Variants in CADM2 observed in about 807,000 individuals in gnomAD.
CADM2 encodes the protein cell adhesion molecule 2, also known as immunoglobulin superfamily member 4D.
Under a neutral mutation model 49.8 loss-of-function variants are expected in CADM2, and 12 were observed. That is an observed-to-expected ratio of 0.24 (90% confidence interval 0.15 to 0.39). The LOEUF (loss-of-function observed/expected upper bound fraction) is 0.39. Ranked by LOEUF, CADM2 falls within the 10% of genes least tolerant of loss-of-function variation. The pLI is 1.00. For missense variants in CADM2, 378 were observed against 492.3 expected (o/e 0.77, Z 2.20); for synonymous variants, 214 against 175.4 (o/e 1.22, Z -1.74).
rs768052936 is a variant in CADM2 at position 85,078,362 on chromosome 3, T to C, written c.61+118694T>C. Among the ~76,000 whole-genome samples the C allele has an allele frequency of 1.4e-4, 22 of 151,954 alleles. 1 individual carries two copies. The highest frequency in any genetic ancestry group is 2.5e-4 in the Non-Finnish European group (17 of 67,852). On this transcript the variant is annotated intron_variant, in intron 1 of 9. Coordinates refer to ENST00000383699, the MANE Select transcript of CADM2 (RefSeq NM_001167675.2). The stretch of plus-strand genomic sequence containing the variant: ...ATAAATAAACTGTTCCTGCTACAGA[T>C]AGAAGGTTGTGATTTTGATTTAGGA...
intron 1 of CADM2, among the ~76,000 whole-genome samples, chr3:85,591,985 C>T (rs2063121460): frequency 6.6e-6 from 1 of 151,836 alleles, no homozygotes; most frequent in African/African-American, 2.4e-5. Context: ...AATCAGGTAA[C>T]TTCCTGGATT....
At chr3:85,606,821 A>G (rs2063552097) in intron 1 of CADM2, among the ~76,000 whole-genome samples, 2 of 152,120 alleles carry the variant, frequency 1.3e-5, no homozygotes, top group Admixed American at 1.3e-4. Flanking sequence ...GTATCTTTGA[A>G]AAATACTGTC....
chr3:85,906,466 A>C (rs993023330), intron 5 of CADM2, among the ~76,000 whole-genome samples: 1 of 152,170 alleles, frequency 6.6e-6, no homozygotes, highest in African/African-American at 2.4e-5. Context: ...TCTATTAAGA[A>C]GAGCTGAATT....
At chr3:85,631,500 C>G (rs2064303713) in intron 1 of CADM2, among the ~76,000 whole-genome samples, 1 of 151,976 alleles carries the variant, frequency 6.6e-6, no homozygotes, top group Non-Finnish European at 1.5e-5. Context: ...GTAGGGACAT[C>G]TATAGTTGAG....
At chr3:85,943,259 CA>C (rs1271714489) in intron 7 of CADM2, among the ~76,000 whole-genome samples, 3 of 136,200 alleles carry the variant, frequency 2.2e-5, no homozygotes, top group African/African-American at 9.2e-5. Flanking sequence ...GAGTAGGTTG[CA>C]AAAATTTTCT....
At chr3:85,543,210 A>G (rs1486930158) in intron 1 of CADM2, among the ~76,000 whole-genome samples, 1 of 151,734 alleles carries the variant, frequency 6.6e-6, no homozygotes, top group Non-Finnish European at 1.5e-5. Context: ...CTACACCCAT[A>G]TCTAAAGTTC....
intron 1 of CADM2, among the ~76,000 whole-genome samples, chr3:85,425,409 A>G (rs952288524): frequency 1.3e-5 from 2 of 152,204 alleles, no homozygotes; most frequent in South Asian, 2.1e-4. Flanking sequence ...TGGGCTACAC[A>G]GTGTTATTTC....
chr3:85,600,658 T>G (rs2107390955), intron 1 of CADM2, among the ~76,000 whole-genome samples: 1 of 151,912 alleles, frequency 6.6e-6, no homozygotes, highest in Middle Eastern at 3.4e-3. Context: ...AGTTGTTTTT[T>G]TTTTAAATAC....
intron 1 of CADM2, among the ~76,000 whole-genome samples, chr3:84,995,792 CTTG>C (rs2033152272): frequency 6.6e-6 from 1 of 152,070 alleles, no homozygotes; most frequent in Admixed American, 6.6e-5. Context: ...GGCTTTTTAG[CTTG>C]TTGTTTCCAC....
chr3:85,320,232 C>T (rs567101139), intron 1 of CADM2, among the ~76,000 whole-genome samples: 1 of 152,306 alleles, frequency 6.6e-6, no homozygotes, highest in East Asian at 1.9e-4. Flanking sequence ...AGCAAAGAAT[C>T]ATCTGGTCCC....
chr3:85,278,033 C>A (rs979974335), intron 1 of CADM2, among the ~76,000 whole-genome samples: 2 of 150,500 alleles, frequency 1.3e-5, no homozygotes, highest in African/African-American at 4.9e-5. Flanking sequence ...TTTCTATTTC[C>A]ATGAAAATTG....
chr3:85,747,623 C>T (rs1466042782), intron 2 of CADM2, among the ~76,000 whole-genome samples: 1 of 151,862 alleles, frequency 6.6e-6, no homozygotes, highest in Non-Finnish European at 1.5e-5. Flanking sequence ...GTTCTGGTGC[C>T]TTATAAAGAG....
intron 1 of CADM2, among the ~76,000 whole-genome samples, chr3:85,725,292 G>T (rs149424481): frequency 9.9e-4 from 151 of 151,942 alleles, no homozygotes; most frequent in Middle Eastern, 3.4e-3. Context: ...TAAGTAGCCT[G>T]GTATGTACAC....
intron 1 of CADM2, among the ~76,000 whole-genome samples, chr3:85,409,399 G>A (rs2035555858): frequency 2.0e-5 from 3 of 152,096 alleles, no homozygotes; most frequent in Non-Finnish European, 4.4e-5. Context: ...ATTAAGTACT[G>A]AAATCAAATA....
chr3:85,354,354 G>A (rs375884351), intron 1 of CADM2, among the ~76,000 whole-genome samples: 1 of 122,722 alleles, frequency 8.1e-6, no homozygotes, highest in East Asian at 2.7e-4. Flanking sequence ...GGACTGTTGT[G>A]GGGTGGGGGG....
chr3:85,512,042 C>T (rs1191726869), intron 1 of CADM2: 1 of 191,252 alleles, frequency 5.2e-6, no homozygotes, highest in Non-Finnish European at 9.6e-6. Flanking sequence ...GGTACATGTA[C>T]AGGTTTGTTA....
At chr3:84,983,539 T>G (rs2032340993) in intron 1 of CADM2, among the ~76,000 whole-genome samples, 1 of 152,146 alleles carries the variant, frequency 6.6e-6, no homozygotes, top group South Asian at 2.1e-4. Flanking sequence ...AGGGAAAGCT[T>G]TTTTCTGTTC....
rs574065966 is a variant in CADM2 at position 85,723,528 on chromosome 3, C to G, written c.62-2994C>G. 1.3e-4 allele frequency among the ~76,000 whole-genome samples: 20 copies of G among 152,200 alleles called. No homozygotes were observed. In the South Asian group the frequency reaches 4.1e-3, roughly 32 times the overall value. ...AGAGAATTATAATTGAGCTAACAAGCCTGATAGCCTGGCCTCTTTCCAATT... is the reference window on the plus strand; with the variant it reads ...AGAGAATTATAATTGAGCTAACAAGGCTGATAGCCTGGCCTCTTTCCAATT... On this transcript the variant is annotated intron_variant, in intron 1 of 9. Transcript: ENST00000383699.
intron 1 of CADM2, among the ~76,000 whole-genome samples, chr3:84,966,622 G>C (rs996319209): frequency 6.6e-6 from 1 of 152,030 alleles, no homozygotes; most frequent in Non-Finnish European, 1.5e-5. Context: ...TGAGTGATAA[G>C]AACTTGTTAC....
Sources: allele counts gnomAD v4.1 joint callset (sites outside exome capture counted in the v4.1 genomes callset), GRCh38; gene constraint gnomAD v4.1.1; transcripts MANE v1.5; gene names NCBI Gene and HGNC (gene_info 2026-07-23, HGNC 2026-07-21).